PHLPP1: variants seen among roughly 807,000 people sequenced by gnomAD.
PHLPP1 encodes the protein PH domain leucine-rich repeat-containing protein phosphatase 1.
Under a neutral mutation model 117.2 loss-of-function variants are expected in PHLPP1, and 42 were observed. The observed-to-expected ratio is 0.36, with a 90% CI of 0.28 to 0.46. The LOEUF is 0.46. Among genes scored for constraint, PHLPP1 ranks in the 20% least tolerant of loss-of-function variants. PHLPP1 has a pLI of 1.00. For missense variants in PHLPP1, 2,084 were observed against 2,241.9 expected (o/e 0.93, Z 1.42); for synonymous variants, 1,042 against 970.7 (o/e 1.07, Z -1.37).
At position 62,822,277 on chromosome 18, in the gene PHLPP1, T is replaced by G. The variant is rs565878999; in HGVS notation, c.1577-7758T>G. Among the ~76,000 whole-genome samples, 321 of 145,788 alleles carry G rather than the reference T, an allele frequency of 2.2e-3. 3 individuals are homozygous for G. The highest frequency in any genetic ancestry group is 4.5e-3 in the African/African-American group (179 of 39,674). ...TGTAGAAAATAGTGTTTTTTTTTTTTTTGTTTTTGTTTTTTTTTTTTTGAG... is the reference window on the plus strand; with the variant it reads ...TGTAGAAAATAGTGTTTTTTTTTTTGTTGTTTTTGTTTTTTTTTTTTTGAG... On this transcript the variant is annotated intron_variant, in intron 1 of 16. Transcript: ENST00000262719.
In PHLPP1 at chr18:62,724,717, C is replaced by A. The variant is rs540746226; in HGVS notation, c.1576+7458C>A. On this transcript the variant is annotated intron_variant, in intron 1 of 16. Transcript: ENST00000262719. The stretch of plus-strand genomic sequence containing the variant: ...TTACACAGTTAGTCGTTTCTCTATT[C>A]AAGGTTTTTTCCTAGTTCTTTTCAT... 1.5e-3 allele frequency among the ~76,000 whole-genome samples: 224 copies of A among 152,224 alleles called. 1 individual carries two copies. Among genetic ancestry groups the A allele is most frequent in the African/African-American group, 5.3e-3 (219 of 41,554 alleles).
chr18:62,715,829 G>A lies in PHLPP1; in HGVS notation c.146G>A (p.Arg49Gln), dbSNP rs918325255. The change falls in exon 1 of 17, where the codon CGG becomes CAG. Residue 49 changes from arginine to glutamine, a missense_variant. Coordinates refer to ENST00000262719, the MANE Select transcript of PHLPP1 (RefSeq NM_194449.4). ...CTGGCGGCGGCGGCCGGGGGCGGCC[G>A]GAGTCCGGAGCCCGCGCTGACCCCG... ...AALAAAAGGG[R>Q]SPEPALTPAA... 6.6e-6 allele frequency: 5 copies of A among 752,800 alleles called. No individual in the cohort carries two copies. Among genetic ancestry groups the A allele is most frequent in the African/African-American group, 3.8e-5 (2 of 52,182 alleles). 46.6% of individuals were successfully genotyped at this position (752,800 alleles called of 1,614,324 possible). A position where few individuals can be genotyped will look rare whatever the true frequency, so the allele number is the denominator to read the frequency against.
intron 1 of PHLPP1, among the ~76,000 whole-genome samples, chr18:62,793,406 C>A (rs1169991639): frequency 6.6e-6 from 1 of 152,126 alleles, no homozygotes; most frequent in Non-Finnish European, 1.5e-5. Flanking sequence ...CTGTTTGAAC[C>A]ATTTCATTCT....
intron 4 of PHLPP1, among the ~76,000 whole-genome samples, chr18:62,866,790 G>A (rs909462895): frequency 2.6e-5 from 4 of 152,140 alleles, no homozygotes; most frequent in Non-Finnish European, 1.5e-5. Context: ...CAGAGTCACC[G>A]ACTTGATCCC....
chr18:62,780,816 C>A (rs1176974077), intron 1 of PHLPP1, among the ~76,000 whole-genome samples: 12 of 152,208 alleles, frequency 7.9e-5, no homozygotes, highest in Non-Finnish European at 8.8e-5. Flanking sequence ...TTACTGTATA[C>A]TGATGCATCT....
chr18:62,791,186 TG>T (rs1487940539), intron 1 of PHLPP1, among the ~76,000 whole-genome samples: 1 of 152,168 alleles, frequency 6.6e-6, no homozygotes, highest in Admixed American at 6.5e-5. Context: ...TAAAAAATTT[TG>T]TGGGATGATT....
intron 2 of PHLPP1, among the ~76,000 whole-genome samples, chr18:62,836,812 A>G (rs1914917466): frequency 6.6e-6 from 1 of 151,892 alleles, no homozygotes; most frequent in Admixed American, 6.6e-5. Flanking sequence ...CTATAATCCC[A>G]GCACTTTGGG....
At chr18:62,875,719 CTT>C (rs34493677) in intron 4 of PHLPP1, among the ~76,000 whole-genome samples, 15 of 149,104 alleles carry the variant, frequency 1.0e-4, no homozygotes, top group Non-Finnish European at 1.8e-4. Context: ...TTTGTAGCAA[CTT>C]TTTTTTTTTT....
chr18:62,792,245 C>G (rs1913482017), intron 1 of PHLPP1, among the ~76,000 whole-genome samples: 1 of 152,178 alleles, frequency 6.6e-6, no homozygotes, highest in African/African-American at 2.4e-5. Flanking sequence ...AACTTAAAGG[C>G]AGCTTAGAAA....
chr18:62,858,034 T>C (rs1454332599), intron 3 of PHLPP1, among the ~76,000 whole-genome samples: 1 of 152,238 alleles, frequency 6.6e-6, no homozygotes, highest in African/African-American at 2.4e-5. Flanking sequence ...ATTCTATCTC[T>C]TTTTACATCT....
At chr18:62,751,433 C>G (rs1292344142) in intron 1 of PHLPP1, among the ~76,000 whole-genome samples, 1 of 152,112 alleles carries the variant, frequency 6.6e-6, no homozygotes, top group African/African-American at 2.4e-5. Flanking sequence ...AGAGTAAGAA[C>G]AACATCATCT....
chr18:62,913,882 T>C (rs370176486), intron 8 of PHLPP1, among the ~76,000 whole-genome samples: 174 of 152,056 alleles, frequency 1.1e-3, no homozygotes, highest in African/African-American at 3.8e-3. Flanking sequence ...TAGCTGGGAT[T>C]ATAGCCATGT....
intron 1 of PHLPP1, among the ~76,000 whole-genome samples, chr18:62,745,109 GT>G (rs1262156863): frequency 1.3e-5 from 2 of 152,148 alleles, no homozygotes; most frequent in African/African-American, 2.4e-5. Flanking sequence ...GCATTTTAGG[GT>G]TTAGTAATCT....
At chr18:62,918,429 A>AATATATATAT (rs34065978) in intron 9 of PHLPP1, among the ~76,000 whole-genome samples, 6,455 of 140,356 alleles carry the variant, frequency 0.046, 185 homozygotes, top group Middle Eastern at 0.062. Context: ...GTAAAGGATA[A>AATATATATAT]ATATATATAT....
At chr18:62,791,589 A>G (rs936439108) in intron 1 of PHLPP1, among the ~76,000 whole-genome samples, 10 of 152,148 alleles carry the variant, frequency 6.6e-5, no homozygotes, top group African/African-American at 2.4e-4. Flanking sequence ...TTGCTGCATC[A>G]TTGAATGTTC....
rs1910815794 is a variant in PHLPP1 at position 62,963,248 on chromosome 18, A to G, written c.3456-120A>G. On this transcript the variant is annotated intron_variant, in intron 13 of 16. Transcript: ENST00000262719. ...TAAGTATTTCAGACACATTAAACGC[A>G]GTAAGAAATGGTAAGTACAGAGTGT... is the stretch of plus-strand genomic sequence containing the variant. 1.3e-5 allele frequency: 8 copies of G among 630,274 alleles called. No homozygotes were observed. In the South Asian group the frequency reaches 1.4e-4, roughly 11 times the overall value. 39.0% of individuals were successfully genotyped at this position (630,274 alleles called of 1,614,324 possible).
chr18:62,892,926 G>A lies in PHLPP1; in HGVS notation c.2067-2085G>A, dbSNP rs1206425551. On this transcript the variant is annotated intron_variant, in intron 4 of 16. Transcript: ENST00000262719. ...CATGTGGATCTTCTGAAAGGGTCTCGGGTACCTCCTCTGGGGTCCCCCAAG... is the reference window on the plus strand; with the variant it reads ...CATGTGGATCTTCTGAAAGGGTCTCAGGTACCTCCTCTGGGGTCCCCCAAG... Among the ~76,000 whole-genome samples the A allele has an allele frequency of 2.0e-5, 3 of 151,552 alleles. No individual in the cohort carries two copies. In the East Asian group the frequency reaches 5.8e-4, roughly 29 times the overall value.
intron 12 of PHLPP1, among the ~76,000 whole-genome samples, chr18:62,957,275 T>C (rs1444428942): frequency 6.6e-6 from 1 of 152,218 alleles, no homozygotes; most frequent in African/African-American, 2.4e-5. Context: ...ACACCTTATT[T>C]AAGCTTTACA....
chr18:62,740,654 C>T (rs574317626), intron 1 of PHLPP1, among the ~76,000 whole-genome samples: 126 of 152,272 alleles, frequency 8.3e-4, no homozygotes, highest in African/African-American at 2.9e-3. Context: ...GAAACAAAAA[C>T]GAGCATTATT....
Sources: gnomAD v4.1 joint callset for allele counts (sites outside exome capture counted in the v4.1 genomes callset) on GRCh38, gnomAD v4.1.1 for gene constraint, MANE v1.5 for transcripts, NCBI Gene and HGNC (gene_info 2026-07-23, HGNC 2026-07-21) for gene names.